The following PTPRG variants were observed in gnomAD, a reference collection of about 807,000 sequenced individuals.
PTPRG encodes receptor-type tyrosine-protein phosphatase gamma.
PTPRG carries 102 observed loss-of-function variants against 165.3 expected under a neutral mutation model. That is an observed-to-expected ratio of 0.62 (90% CI 0.53 to 0.73). The LOEUF is 0.73. Among genes scored for constraint, PTPRG ranks in the 30% least tolerant of loss-of-function variants. The pLI, the probability that PTPRG is intolerant of heterozygous loss-of-function variation, is 0.00. For synonymous variants in PTPRG, 675 were observed against 669.5 expected, an observed-to-expected ratio of 1.01 and a Z score of -0.13; for missense variants, 1,866 against 1,861.4, an observed-to-expected ratio of 1.00 and a Z score of -0.05.
chr3:61,774,036 A>G (rs2034295228), intron 2 of PTPRG, among the ~76,000 whole-genome samples: 1 of 152,192 alleles, frequency 6.6e-6, no homozygotes, highest in African/African-American at 2.4e-5. Context: ...CAGCCTCCCA[A>G]AGTGCTAGGA....
intron 2 of PTPRG, among the ~76,000 whole-genome samples, chr3:61,796,485 TG>T (rs2035047396): frequency 6.6e-6 from 1 of 152,174 alleles, no homozygotes; most frequent in Admixed American, 6.5e-5. Context: ...GGGCAGAACT[TG>T]GTTCCTTGAG....
At position 62,195,152 on chromosome 3, in the gene PTPRG, C is replaced by T. The variant is rs1306960794; in HGVS notation, c.1309C>T (p.Gln437Ter). 1 of 1,614,216 alleles carries T rather than the reference C, an allele frequency of 6.2e-7. No individual in the cohort carries two copies. The highest frequency in any genetic ancestry group is 8.5e-7 in the Non-Finnish European group (1 of 1,180,040). ...CRNDMRSDFSQTMLFQANTTR... is the reference protein window; with the variant it reads ...CRNDMRSDFS ...GAACGACATGCGCAGCGACTTTAGC[C>T]AGACGATGCTGTTTCAAGGTGAGGC... The change falls in exon 10 of 30, where the codon CAG (glutamine) becomes TAG (stop). Residue 437 changes from glutamine (Q) to a stop codon, truncating the protein, a stop_gained. Transcript: ENST00000474889. LOFTEE classifies it high-confidence loss of function. The surrounding 1 kb of genome is among the most constrained non-coding windows in gnomAD (Gnocchi z 4.4).
At chr3:61,802,599 A>G (rs1272144417) in intron 2 of PTPRG, among the ~76,000 whole-genome samples, 2 of 152,234 alleles carry the variant, frequency 1.3e-5, no homozygotes, top group African/African-American at 4.8e-5. Context: ...GGAGCCTATT[A>G]TCCAGATATA....
At chr3:61,907,716 T>C (rs1294060020) in intron 2 of PTPRG, among the ~76,000 whole-genome samples, 1 of 152,214 alleles carries the variant, frequency 6.6e-6, no homozygotes, top group African/African-American at 2.4e-5. Context: ...TTTGATCTTA[T>C]CTGAAATCGG....
chr3:62,134,742 T>G (rs1703642052), intron 6 of PTPRG, among the ~76,000 whole-genome samples: 3 of 152,230 alleles, frequency 2.0e-5, no homozygotes, highest in African/African-American at 7.2e-5. Flanking sequence ...CAGAAAACCA[T>G]GTTGATGTGG....
intron 1 of PTPRG, among the ~76,000 whole-genome samples, chr3:61,601,848 T>C (rs1016746696): frequency 1.3e-5 from 2 of 152,140 alleles, no homozygotes; most frequent in African/African-American, 2.4e-5. Flanking sequence ...ATAGACCTCA[T>C]TGGAAGAAGT....
chr3:62,163,819 T>G (rs920016867), intron 7 of PTPRG, among the ~76,000 whole-genome samples: 1 of 152,160 alleles, frequency 6.6e-6, no homozygotes, highest in Admixed American at 6.5e-5. Flanking sequence ...ATTGTACAAA[T>G]AAAGACACTG....
intron 4 of PTPRG, among the ~76,000 whole-genome samples, chr3:62,009,079 C>T (rs1183669021): frequency 1.3e-5 from 2 of 152,246 alleles, no homozygotes; most frequent in Non-Finnish European, 2.9e-5. Context: ...CACATTTCTT[C>T]ATATCTGGTT....
At chr3:62,138,989 CT>C (rs1210002582) in intron 6 of PTPRG, among the ~76,000 whole-genome samples, 2 of 152,340 alleles carry the variant, frequency 1.3e-5, no homozygotes, top group East Asian at 3.9e-4. Flanking sequence ...AAACGGACCA[CT>C]TTTGTATTCC....
intron 2 of PTPRG, among the ~76,000 whole-genome samples, chr3:61,959,955 C>T (rs922848437): frequency 2.6e-5 from 4 of 152,152 alleles, no homozygotes; most frequent in Admixed American, 6.6e-5. Context: ...GTTGTCTTCT[C>T]CTCTGCAGCT....
intron 2 of PTPRG, among the ~76,000 whole-genome samples, chr3:61,884,198 A>G (rs1219486914): frequency 6.6e-6 from 1 of 152,078 alleles, no homozygotes; most frequent in Non-Finnish European, 1.5e-5. Flanking sequence ...ACCTAGCTGT[A>G]TGGTTGCTAA....
rs185182854 is a variant in PTPRG, at chr3:62,140,962, G to A, written c.682+8294G>A. Among the ~76,000 whole-genome samples, 1,108 of 151,940 alleles carry A rather than the reference G, an allele frequency of 7.3e-3. 15 individuals are homozygous for A. The highest frequency in any genetic ancestry group is 0.03 in the Admixed American group (461 of 15,238). On this transcript the variant is annotated intron_variant, in intron 6 of 29. Transcript: ENST00000474889. ...AATCTTTCTCTATCTTGATCTAGAG[G>A]ATGATTGCCCAGGTATAATATAAAA...
chr3:61,616,567 A>G (rs1187480177), intron 1 of PTPRG, among the ~76,000 whole-genome samples: 1 of 152,168 alleles, frequency 6.6e-6, no homozygotes, highest in African/African-American at 2.4e-5. Flanking sequence ...ACTCCCTCAA[A>G]CACCAACCTC....
intron 1 of PTPRG, among the ~76,000 whole-genome samples, chr3:61,649,404 T>C (rs1702288299): frequency 6.6e-6 from 1 of 152,210 alleles, no homozygotes; most frequent in Admixed American, 6.5e-5. Context: ...CAGGTTCAGC[T>C]GTCTGGTGAG....
intron 6 of PTPRG, among the ~76,000 whole-genome samples, chr3:62,153,934 T>C (rs1452135231): frequency 1.3e-5 from 2 of 152,174 alleles, no homozygotes; most frequent in Non-Finnish European, 2.9e-5. Flanking sequence ...CTGAATGATG[T>C]TTTCTGCTCT....
At chr3:61,988,742 G>A (rs35209615) in intron 2 of PTPRG, among the ~76,000 whole-genome samples, 15,766 of 152,160 alleles carry the variant, frequency 0.1, 1,027 homozygotes, top group Middle Eastern at 0.24. Flanking sequence ...GGCTACTCCC[G>A]CTTTGTTGTG....
intron 1 of PTPRG, among the ~76,000 whole-genome samples, chr3:61,602,752 T>C (rs1700904792): frequency 6.6e-6 from 1 of 152,196 alleles, no homozygotes; most frequent in South Asian, 2.1e-4. Flanking sequence ...TCATCTGTTG[T>C]CTACTTCCTT....
At chr3:61,882,335 A>G (rs1484352387) in intron 2 of PTPRG, among the ~76,000 whole-genome samples, 1 of 152,230 alleles carries the variant, frequency 6.6e-6, no homozygotes, top group Non-Finnish European at 1.5e-5. Flanking sequence ...TTTGTTAAAT[A>G]GATTTGTACT....
chr3:62,185,914 C>T (rs1470523460), intron 8 of PTPRG, among the ~76,000 whole-genome samples: 2 of 152,216 alleles, frequency 1.3e-5, no homozygotes, highest in Non-Finnish European at 2.9e-5. Flanking sequence ...CCAAAGCCCA[C>T]ACTTTCTGTT....
Sources: allele counts gnomAD v4.1 joint callset (sites outside exome capture counted in the v4.1 genomes callset), GRCh38; gene constraint gnomAD v4.1.1; non-coding constraint Gnocchi (gnomAD v3.1); transcripts MANE v1.5; gene names NCBI Gene and HGNC (gene_info 2026-07-23, HGNC 2026-07-21).